MCM8: variants seen among roughly 807,000 people sequenced by gnomAD.
MCM8 encodes the protein DNA helicase MCM8.
In MCM8, 85 loss-of-function variants were observed where a neutral mutation model predicts 98.9. That is an observed-to-expected ratio of 0.86 (90% CI 0.72 to 1.03). The LOEUF is 1.03. MCM8 is among the 50% of genes least tolerant of loss of function. The pLI is 0.00. For synonymous variants in MCM8, 352 were observed against 338.6 expected (o/e 1.04, Z -0.44); for missense variants, 951 against 997.8 (o/e 0.95, Z 0.63).
At chr20:5,958,421 T>C (rs2089044365) in intron 6 of MCM8, 107 bp from the exon 7 acceptor site, 1 of 800,566 alleles carries the variant, frequency 1.2e-6, no homozygotes, top group African/African-American at 1.7e-5. Context: ...TTCTGATATA[T>C]CGAAGGGATG....
chr20:5,981,600 C>G (rs1600293195), intron 13 of MCM8, among the ~76,000 whole-genome samples: 1 of 151,932 alleles, frequency 6.6e-6, no homozygotes, highest in Non-Finnish European at 1.5e-5. Flanking sequence ...AGCGTATTGA[C>G]AAGAATTCAT....
rs1311634868 is a variant in MCM8 at position 5,958,613 on chromosome 20, G to T, written c.676G>T (p.Val226Phe). 1 of 1,613,978 alleles carries T rather than the reference G, an allele frequency of 6.2e-7. No homozygotes were observed. Among genetic ancestry groups the T allele is most frequent in the African/African-American group, 1.3e-5 (1 of 74,906 alleles). Residue 226 changes from valine to phenylalanine, a missense_variant, in exon 7 of 19, where the codon GTT becomes TTT. Transcript: ENST00000610722. ...GKYIALRGTV[V>F]RVSNIKPLCT... is the part of the protein sequence containing the mutation. ...ATACATTGCTCTAAGAGGGACAGTG[G>T]TTCGTGTCAGTAATATAAAGCCTCT...
chr20:5,973,914 C>T (rs147981522), intron 12 of MCM8, among the ~76,000 whole-genome samples: 38 of 152,210 alleles, frequency 2.5e-4, no homozygotes, highest in African/African-American at 7.9e-4. Flanking sequence ...CTTAACCTCC[C>T]AAAGTGCTGG....
At chr20:5,970,560 G>C (rs2089380862) in intron 10 of MCM8, among the ~76,000 whole-genome samples, 1 of 152,136 alleles carries the variant, frequency 6.6e-6, no homozygotes, top group African/African-American at 2.4e-5. Context: ...TGCCCATCCT[G>C]CCTGCCAATG....
chr20:5,986,097 C>G lies in MCM8; in HGVS notation c.2129C>G (p.Thr710Ser), dbSNP rs1438609187. The G allele has an allele frequency of 6.2e-7, 1 of 1,614,036 alleles. No individual in the cohort carries two copies. Among genetic ancestry groups the G allele is most frequent in the Non-Finnish European group, 8.5e-7 (1 of 1,180,040 alleles). ...SQRLNSSPITTRQLESLIRLT... is the reference protein window; with the variant it reads ...SQRLNSSPITSRQLESLIRLT... The stretch of plus-strand genomic sequence containing the variant: ...AGGTTAAATAGCTCACCAATCACTA[C>G]CAGGCAGCTGGAATCTTTGATTCGT... The change falls in exon 16 of 19, where the codon ACC (threonine) becomes AGC (serine). Residue 710 changes from threonine to serine, a missense_variant. By Grantham distance (58) the Thr-to-Ser change is moderately conservative (BLOSUM62 1). Transcript: ENST00000610722.
chr20:5,974,258 GTAGCTGGGACTA>G (rs2089463873), intron 12 of MCM8, among the ~76,000 whole-genome samples: 1 of 152,182 alleles, frequency 6.6e-6, no homozygotes, highest in Non-Finnish European at 1.5e-5. Flanking sequence ...AGCCTCTCAA[GTAGCTGGGACTA>G]TAGACATGTG....
intron 10 of MCM8, among the ~76,000 whole-genome samples, chr20:5,969,838 C>T (rs1185242149): frequency 6.6e-6 from 1 of 152,112 alleles, no homozygotes; most frequent in Non-Finnish European, 1.5e-5. Flanking sequence ...GGAGTGAGTC[C>T]TTTGAGCAGG....
At chr20:5,956,559 A>G (rs2088987186) in intron 5 of MCM8, among the ~76,000 whole-genome samples, 1 of 151,978 alleles carries the variant, frequency 6.6e-6, no homozygotes, top group African/African-American at 2.4e-5. Context: ...ACACTTGGCT[A>G]ATTTTTGTAT....
intron 8 of MCM8, 85 bp from the exon 9 acceptor site, chr20:5,967,351 G>C: frequency 8.3e-7 from 1 of 1,203,980 alleles, no homozygotes; most frequent in Non-Finnish European, 1.2e-6. Flanking sequence ...ATCTTCCTCA[G>C]CATCATGTGA....
chr20:5,997,070 A>G lies in MCM8; in HGVS notation c.*2679A>G, dbSNP rs1393422566. The G allele has an allele frequency of 1.3e-5, 2 of 152,296 alleles. No individual in the cohort carries two copies. The highest frequency in any genetic ancestry group is 2.9e-5 in the Non-Finnish European group (2 of 68,116). The allele number at this position is 152,296 out of a possible 1,614,324, so 9.4% of individuals were successfully genotyped here. On this transcript the variant is annotated 3_prime_UTR_variant, in exon 19 of 19. Transcript: ENST00000610722. ...AGATGAAAGTAATCTTCCATAGGCA[A>G]TTGTTTCTGTGTCACCATTGCTGAT...
intron 17 of MCM8, among the ~76,000 whole-genome samples, chr20:5,989,413 G>A (rs1363960865): frequency 6.6e-6 from 1 of 152,030 alleles, no homozygotes; most frequent in African/African-American, 2.4e-5. Context: ...ACCACGCCTG[G>A]CCTGATAGTG....
In MCM8 at chr20:5,967,469, A is replaced by G; in HGVS notation, c.909A>G (p.Glu303=). 1 of 1,614,072 alleles carries G rather than the reference A, an allele frequency of 6.2e-7. No homozygotes were observed. Among genetic ancestry groups the G allele is most frequent in the Non-Finnish European group, 8.5e-7 (1 of 1,179,932 alleles). The change falls in exon 9 of 19, where the codon GAA becomes GAG. Residue 303 remains glutamate, a synonymous_variant. Coordinates refer to ENST00000610722, the MANE Select transcript of MCM8 (RefSeq NM_032485.6). ...AATTGATGTCTGATGATCAGAGAGA[A>G]GCAGGTCGGATTCCACGAACAATAG... ...IQELMSDDQR[E]AGRIPRTIEC...
chr20:5,954,447 CTT>C (rs2088916709), intron 3 of MCM8, among the ~76,000 whole-genome samples, 159 bp from the exon 4 acceptor site: 1 of 152,098 alleles, frequency 6.6e-6, no homozygotes, highest in African/African-American at 2.4e-5. Context: ...GTTTTAGAAT[CTT>C]AAGTTTACAT....
At chr20:5,959,080 T>C (rs1026177216) in intron 7 of MCM8, among the ~76,000 whole-genome samples, 2 of 152,216 alleles carry the variant, frequency 1.3e-5, no homozygotes, top group Admixed American at 1.3e-4. Flanking sequence ...TGTTGACTTC[T>C]AGGTATACAC....
At chr20:5,992,751 A>C (rs1235938662) in intron 17 of MCM8, among the ~76,000 whole-genome samples, 2 of 152,196 alleles carry the variant, frequency 1.3e-5, no homozygotes, top group Non-Finnish European at 2.9e-5. Flanking sequence ...TCACCACTAT[A>C]AGCCTGTTGC....
At chr20:5,988,357 G>C (rs1291238071) in intron 17 of MCM8, among the ~76,000 whole-genome samples, 8 of 152,056 alleles carry the variant, frequency 5.3e-5, no homozygotes, top group Non-Finnish European at 1.2e-4. Flanking sequence ...AGTTACTTGG[G>C]AGGCTGAGGC....
At chr20:5,984,671 G>A in intron 14 of MCM8, 110 bp from the exon 15 acceptor site, 1 of 786,356 alleles carries the variant, frequency 1.3e-6, no homozygotes, top group South Asian at 1.8e-5. Context: ...CCTAAATCTT[G>A]GTTTTTCAAG....
intron 5 of MCM8, among the ~76,000 whole-genome samples, chr20:5,955,593 G>A (rs556439694): frequency 6.6e-6 from 1 of 152,262 alleles, no homozygotes; most frequent in South Asian, 2.1e-4. Context: ...GGTGTTATCG[G>A]TTATGAACTT....
In MCM8 at chr20:5,967,894, T is replaced by C. The variant is rs35180674; in HGVS notation, c.1092T>C (p.Asn364=). Residue 364 remains asparagine, a synonymous_variant, in exon 10 of 19, where the codon AAT becomes AAC. Transcript: ENST00000610722. The part of the protein sequence containing the change: ...LLYIEANSIS[N]SKGQKTKSSE... ...ATATTGAAGCAAATTCTATTAGTAA[T>C]AGCAAAGGACAGAAAACAAAGAGTT... 6.9e-3 allele frequency: 11,064 copies of C among 1,613,826 alleles called. 71 individuals are homozygous for C. The highest frequency in any genetic ancestry group is 0.028 in the Admixed American group (1,673 of 59,984).
Sources: allele counts gnomAD v4.1 joint callset (sites outside exome capture counted in the v4.1 genomes callset), GRCh38; gene constraint gnomAD v4.1.1; transcripts MANE v1.5; gene names NCBI Gene and HGNC (gene_info 2026-07-23, HGNC 2026-07-21).